BOP1: variants seen among roughly 807,000 people sequenced by gnomAD.
BOP1 encodes BOP1 ribosomal biogenesis factor.
In BOP1, 54 loss-of-function variants were observed where a neutral mutation model predicts 82.9. That is an observed-to-expected ratio of 0.65 (90% CI 0.52 to 0.82). BOP1 has a LOEUF of 0.82. Ranked by LOEUF, BOP1 falls within the 40% of genes least tolerant of loss-of-function variation. The pLI is 0.00. For synonymous variants in BOP1, 566 were observed against 451.1 expected, an observed-to-expected ratio of 1.25 and a Z score of -3.23; for missense variants, 1,170 against 1,072.0, an observed-to-expected ratio of 1.09 and a Z score of -1.28.
chr8:144,267,399 T>C (rs1845399842), intron 3 of BOP1, among the ~76,000 whole-genome samples: 3 of 152,088 alleles, frequency 2.0e-5, no homozygotes, highest in Admixed American at 2.0e-4. Flanking sequence ...TGGAGTCCCC[T>C]GCAGGGAGCT....
In BOP1 at chr8:144,263,981, C is replaced by T; in HGVS notation, c.1140G>A (p.Arg380=). The T allele has an allele frequency of 1.9e-6, 3 of 1,610,338 alleles. No individual in the cohort carries two copies. The South Asian group carries it at 3.3e-5, about 18-fold the overall frequency. ...LYLCPRQRKM[R]VNVDPEDLIP... ...CCCCTGGTGTGCCACCCCCACACACCCTCATCTTGCGCTGCCGTGGGCACA... is the reference window on the plus strand; with the variant it reads ...CCCCTGGTGTGCCACCCCCACACACTCTCATCTTGCGCTGCCGTGGGCACA... The change falls in exon 8 of 16, where the codon AGG becomes AGA. Residue 380 remains arginine (R), a splice_region_variant and synonymous_variant. Transcript: ENST00000569669.
At chr8:144,286,461 G>A (rs1226121641) in intron 2 of BOP1, among the ~76,000 whole-genome samples, 1 of 115,164 alleles carries the variant, frequency 8.7e-6, no homozygotes, top group East Asian at 2.8e-4. Context: ...CAGGTGCATG[G>A]GCGCCACGGC....
chr8:144,275,855 AC>A (rs1845560645), intron 3 of BOP1, among the ~76,000 whole-genome samples: 1 of 102,028 alleles, frequency 9.8e-6, no homozygotes. Flanking sequence ...CGTGACCCCC[AC>A]CCCGACCATG....
intron 2 of BOP1, among the ~76,000 whole-genome samples, chr8:144,279,923 T>C (rs1397720170): frequency 6.6e-6 from 1 of 152,040 alleles, no homozygotes; most frequent in Non-Finnish European, 1.5e-5. Context: ...TCACCTGAGA[T>C]CCTCACCCAA....
intron 3 of BOP1, among the ~76,000 whole-genome samples, chr8:144,266,284 T>C (rs1042136679): frequency 7.8e-4 from 119 of 152,036 alleles, no homozygotes; most frequent in Middle Eastern, 3.4e-3. Flanking sequence ...GACGGAACGA[T>C]GCCCCCAAAG....
chr8:144,280,243 C>T (rs1199918429), intron 2 of BOP1, among the ~76,000 whole-genome samples: 1 of 152,148 alleles, frequency 6.6e-6, no homozygotes, highest in Non-Finnish European at 1.5e-5. Context: ...AGTTTACCAC[C>T]AGCCCTGGCC....
Position 144,264,716 on chromosome 8 carries a change from C to T in BOP1, c.661G>A (p.Glu221Lys), listed in dbSNP as rs1845316629. Reference protein sequence around the residue: ...QFGDVGFNPYEPAVDFFSGDV... With the variant: ...QFGDVGFNPYKPAVDFFSGDV... ...AGGGGCCAGCCCCTGCCACCTACCT[C>T]ATAGGGGTTGAAGCCCACATCCCCA... The change falls in exon 5 of 16, where the codon GAG (glutamate) becomes AAG (lysine). Residue 221 changes from glutamate to lysine, a missense_variant and splice_region_variant. Glu to Lys is a moderately conservative substitution (Grantham distance 56). Coordinates refer to ENST00000569669, the MANE Select transcript of BOP1 (RefSeq NM_015201.5). 2 of 1,573,528 alleles carry T rather than the reference C, an allele frequency of 1.3e-6. No homozygotes were observed. Among genetic ancestry groups the T allele is most frequent in the East Asian group, 2.3e-5 (1 of 43,020 alleles).
At chr8:144,268,291 G>GGGACAGACGGAC in intron 3 of BOP1, 1 of 1,179,590 alleles carries the variant, frequency 8.5e-7, no homozygotes, top group Non-Finnish European at 1.2e-6. Context: ...GCGGGGCCGA[G>GGGACAGACGGAC]GGACAGACGG....
In BOP1 at chr8:144,262,446, C is replaced by G. The variant is rs997973742; in HGVS notation, c.2037G>C (p.Ala679=). Residue 679 remains alanine, a synonymous_variant, in exon 15 of 16, where the codon GCG becomes GCC. Coordinates refer to ENST00000569669, the MANE Select transcript of BOP1 (RefSeq NM_015201.5). ...VAFHPRYPLF[A]SGSDDGSVIV... ...TGACACTGCCGTCGTCCGAGCCTGA[C>G]GCAAAGAGTGGGTACCGCGGGTGGA... 5 of 1,612,896 alleles carry G rather than the reference C, an allele frequency of 3.1e-6. No individual in the cohort carries two copies. The Admixed American group carries it at 8.3e-5, about 27-fold the overall frequency.
At chr8:144,276,384 C>G (rs1375955178) in intron 2 of BOP1, 80 bp from the exon 3 acceptor site, 13 of 1,509,770 alleles carry the variant, frequency 8.6e-6, no homozygotes, top group South Asian at 1.1e-5. Flanking sequence ...GGAAGCCCAC[C>G]ACCCCGAAAT....
Position 144,262,110 on chromosome 8 carries a change from T to TA in BOP1, c.*53dup. On this transcript the variant is annotated 3_prime_UTR_variant, in exon 16 of 16. Transcript: ENST00000569669. ...GGTGGGAGCACCAGGCAGCACAGGG[T>TA]AAAGGCTCTGTTGACTTCAGCACGA... The TA allele has an allele frequency of 5.0e-6, 8 of 1,608,974 alleles. No individual in the cohort carries two copies. Among genetic ancestry groups the TA allele is most frequent in the Non-Finnish European group, 6.8e-6 (8 of 1,179,208 alleles).
rs998630170 is a variant in BOP1, at chr8:144,264,234, G to A, written c.969C>T (p.Ser323=). Reference sequence around the variant, plus strand: ...CAGGATGCAGGCCCACCTCCTCCTCGCTGAGCAGGTATTCAGGGGGTGGGT... The same window carrying A: ...CAGGATGCAGGCCCACCTCCTCCTCACTGAGCAGGTATTCAGGGGGTGGGT... ...SYNPPPEYLL[S]EEERLAWEQQ... is the part of the protein sequence containing the mutation. The change falls in exon 7 of 16, where the codon AGC becomes AGT. Residue 323 remains serine, a synonymous_variant. Coordinates refer to ENST00000569669, the MANE Select transcript of BOP1 (RefSeq NM_015201.5). The A allele has an allele frequency of 2.5e-5, 40 of 1,608,296 alleles. 1 individual carries two copies. Among genetic ancestry groups the A allele is most frequent in the East Asian group, 2.2e-4 (10 of 44,774 alleles).
chr8:144,281,973 A>T (rs1223404116), intron 2 of BOP1: 1 of 152,280 alleles, frequency 6.6e-6, no homozygotes, highest in East Asian at 1.9e-4. Flanking sequence ...CATAAATGAA[A>T]AGACAAAACC....
intron 2 of BOP1, among the ~76,000 whole-genome samples, chr8:144,277,705 CA>C (rs1845589044): frequency 1.4e-5 from 2 of 143,674 alleles, no homozygotes. Context: ...GCTGGGTTCC[CA>C]GGGGCGCAGC....
intron 3 of BOP1, among the ~76,000 whole-genome samples, 191 bp downstream of exon 3, chr8:144,276,033 G>A (rs1184624330): frequency 6.6e-6 from 1 of 152,192 alleles, no homozygotes; most frequent in Non-Finnish European, 1.5e-5. Flanking sequence ...GCAGTCTTGT[G>A]TCCCAGACCC....
intron 2 of BOP1, among the ~76,000 whole-genome samples, chr8:144,282,783 G>T (rs1320549879): frequency 6.6e-6 from 1 of 152,090 alleles, no homozygotes; most frequent in Non-Finnish European, 1.5e-5. Flanking sequence ...CATGCCAACA[G>T]TCAGGGGAGG....
At position 144,264,106 on chromosome 8, in the gene BOP1, T is replaced by C; in HGVS notation, c.1015A>G (p.Lys339Glu). Residue 339 changes from lysine to glutamate, a missense_variant, in exon 8 of 16, where the codon AAG (lysine) becomes GAG (glutamate). Lys to Glu is a moderately conservative substitution (Grantham distance 56). Transcript: ENST00000569669. ...AACTTGCGTGGCAAAAAGCTCAGCTTCCTCTCGCCTGGCTCCTGCTGTTCC... is the reference window on the plus strand; with the variant it reads ...AACTTGCGTGGCAAAAAGCTCAGCTCCCTCTCGCCTGGCTCCTGCTGTTCC... ...AWEQQEPGER[K>E]LSFLPRKFPS... 1 of 1,610,478 alleles carries C rather than the reference T, an allele frequency of 6.2e-7. No homozygotes were observed. Among genetic ancestry groups the C allele is most frequent in the Non-Finnish European group, 8.5e-7 (1 of 1,179,328 alleles).
At chr8:144,276,990 T>C (rs1845576882) in intron 2 of BOP1, among the ~76,000 whole-genome samples, 1 of 152,084 alleles carries the variant, frequency 6.6e-6, no homozygotes, top group Admixed American at 6.5e-5. Context: ...AGAATTCACA[T>C]CCCAACCTGG....
At chr8:144,277,481 C>T (rs990305483) in intron 2 of BOP1, among the ~76,000 whole-genome samples, 3 of 152,246 alleles carry the variant, frequency 2.0e-5, no homozygotes, top group Admixed American at 1.3e-4. Context: ...GGACGGGTAC[C>T]GGGCTGGGCT....
Sources: gnomAD v4.1 joint callset for allele counts (sites outside exome capture counted in the v4.1 genomes callset) on GRCh38, gnomAD v4.1.1 for gene constraint, MANE v1.5 for transcripts, NCBI Gene and HGNC (gene_info 2026-07-23, HGNC 2026-07-21) for gene names.